Variants in MELK observed in about 807,000 individuals in gnomAD.
The protein encoded by MELK is pEg3 kinase.
A neutral mutation model predicts 85.0 loss-of-function variants in MELK; 81 were observed. The observed-to-expected ratio is 0.95, with a 90% CI of 0.80 to 1.15. The LOEUF is 1.15. Ranked by LOEUF, MELK falls within the 50% of genes most tolerant of loss-of-function variation. The probability of loss-of-function intolerance (pLI) is 0.00; values close to 1 mark genes in which losing one functional copy is unlikely to be tolerated. For missense variants in MELK, 754 were observed against 777.5 expected (o/e 0.97, Z 0.36); for synonymous variants, 252 against 265.0 (o/e 0.95, Z 0.48).
chr9:36,664,302 C>T (rs1343382653), intron 13 of MELK, among the ~76,000 whole-genome samples: 3 of 152,068 alleles, frequency 2.0e-5, no homozygotes, highest in South Asian at 2.1e-4. Flanking sequence ...TCTTTATGCT[C>T]ATAGTGCTTG....
chr9:36,657,686 G>A (rs1246472000), intron 13 of MELK, among the ~76,000 whole-genome samples: 2 of 152,174 alleles, frequency 1.3e-5, no homozygotes, highest in Non-Finnish European at 1.5e-5. Flanking sequence ...TGCCTCCCAG[G>A]TTCAAGTGAT....
intron 13 of MELK, among the ~76,000 whole-genome samples, chr9:36,657,732 C>T (rs992515663): frequency 6.6e-6 from 1 of 152,102 alleles, no homozygotes; most frequent in African/African-American, 2.4e-5. Context: ...TTACAGGTGC[C>T]TGCTGCCTCT....
chr9:36,584,657 C>CT (rs1292779215), intron 3 of MELK, among the ~76,000 whole-genome samples: 2 of 151,296 alleles, frequency 1.3e-5, no homozygotes, highest in Admixed American at 6.6e-5. Context: ...TTATGATACT[C>CT]TTACTAAATA....
At chr9:36,615,060 CG>C (rs1355653012) in intron 8 of MELK, among the ~76,000 whole-genome samples, 2 of 128,094 alleles carry the variant, frequency 1.6e-5, no homozygotes, top group African/African-American at 3.2e-5. Context: ...GCTGGCCGGG[CG>C]GGGGGGCTGA....
chr9:36,654,075 C>T (rs914305055), intron 12 of MELK, among the ~76,000 whole-genome samples: 3 of 152,066 alleles, frequency 2.0e-5, no homozygotes, highest in Non-Finnish European at 4.4e-5. Context: ...GGTAAATATT[C>T]TGTGCCTAGG....
intron 14 of MELK, among the ~76,000 whole-genome samples, chr9:36,667,219 G>A (rs928883062): frequency 6.6e-5 from 10 of 151,260 alleles, no homozygotes; most frequent in African/African-American, 1.7e-4. Context: ...GCAGTGGTGC[G>A]ATCTCGGCTC....
chr9:36,666,603 T>TC (rs1384896139), intron 14 of MELK, among the ~76,000 whole-genome samples: 4 of 152,298 alleles, frequency 2.6e-5, no homozygotes, highest in African/African-American at 9.6e-5. Flanking sequence ...CTAACAAACC[T>TC]AAACTCTGGA....
At chr9:36,644,328 A>G (rs1347004531) in intron 11 of MELK, among the ~76,000 whole-genome samples, 1 of 151,850 alleles carries the variant, frequency 6.6e-6, no homozygotes, top group Admixed American at 6.6e-5. Context: ...CTGGCCCAGT[A>G]CTATGTCTTC....
At chr9:36,604,377 C>T (rs1318345292) in intron 7 of MELK, among the ~76,000 whole-genome samples, 1 of 145,548 alleles carries the variant, frequency 6.9e-6, no homozygotes, top group Non-Finnish European at 1.5e-5. Flanking sequence ...CTCCCGGGTT[C>T]AGGCGATTCT....
intron 14 of MELK, among the ~76,000 whole-genome samples, chr9:36,668,509 G>A (rs1464456799): frequency 1.3e-5 from 2 of 151,882 alleles, no homozygotes; most frequent in Non-Finnish European, 2.9e-5. Flanking sequence ...AATAATCAAA[G>A]CTTACATCTC....
intron 10 of MELK, among the ~76,000 whole-genome samples, chr9:36,641,675 T>C (rs969166803): frequency 2.7e-5 from 4 of 150,128 alleles, no homozygotes; most frequent in African/African-American, 9.8e-5. Context: ...TGGCTTGATC[T>C]CAGCTCCCCA....
intron 10 of MELK, among the ~76,000 whole-genome samples, chr9:36,639,529 C>A (rs920557592): frequency 2.6e-5 from 4 of 152,138 alleles, no homozygotes; most frequent in African/African-American, 4.8e-5. Flanking sequence ...TCTGCCCTGG[C>A]GAACAGGAAA....
intron 13 of MELK, 126 bp from the exon 14 acceptor site, chr9:36,665,224 A>G (rs1176025923): frequency 1.6e-6 from 1 of 630,436 alleles, no homozygotes; most frequent in Non-Finnish European, 2.8e-6. Context: ...TAATGTCAAT[A>G]ATATCCTTTT....
chr9:36,635,297 AT>A (rs1276895611), intron 10 of MELK, among the ~76,000 whole-genome samples: 1 of 150,880 alleles, frequency 6.6e-6, no homozygotes, highest in Non-Finnish European at 1.5e-5. Context: ...GAATCTCGCT[AT>A]TATCGCCCAG....
At chr9:36,604,264 C>T (rs567884011) in intron 7 of MELK, among the ~76,000 whole-genome samples, 3 of 133,146 alleles carry the variant, frequency 2.3e-5, no homozygotes, top group African/African-American at 8.6e-5. Context: ...CCACCGCGCC[C>T]GGGCTTTTTT....
intron 8 of MELK, among the ~76,000 whole-genome samples, chr9:36,625,534 A>C (rs535004027): frequency 9.2e-5 from 14 of 152,344 alleles, no homozygotes; most frequent in Non-Finnish European, 1.9e-4. Context: ...CATGGAGCCC[A>C]GGCAGCAGTG....
intron 3 of MELK, among the ~76,000 whole-genome samples, chr9:36,588,822 T>C (rs1823226839): frequency 1.3e-5 from 2 of 152,196 alleles, no homozygotes; most frequent in Non-Finnish European, 2.9e-5. Flanking sequence ...TCAGAAAAGA[T>C]TGGAGACTGA....
At chr9:36,622,420 G>T (rs1041884476) in intron 8 of MELK, among the ~76,000 whole-genome samples, 2 of 152,058 alleles carry the variant, frequency 1.3e-5, no homozygotes, top group Admixed American at 6.6e-5. Flanking sequence ...AATATTTGAC[G>T]CACCGTATGT....
At chr9:36,642,460 G>A (rs1214077237) in intron 10 of MELK, among the ~76,000 whole-genome samples, 4 of 121,048 alleles carry the variant, frequency 3.3e-5, no homozygotes, top group African/African-American at 6.6e-5. Context: ...ACAGAGTCTC[G>A]CTCTGTTGCC....
Sources: allele counts gnomAD v4.1 joint callset (sites outside exome capture counted in the v4.1 genomes callset), GRCh38; gene constraint gnomAD v4.1.1; transcripts MANE v1.5; gene names NCBI Gene and HGNC (gene_info 2026-07-23, HGNC 2026-07-21).